Variants in ENOX1 observed in about 807,000 individuals in gnomAD.
The protein encoded by ENOX1 is ecto-NOX disulfide-thiol exchanger 1, also known as candidate growth-related and time keeping constitutive hydroquinone (NADH) oxidase.
A neutral mutation model predicts 82.5 loss-of-function variants in ENOX1; 42 were observed. The ratio of observed to expected loss-of-function variants is 0.51; its 90% CI spans 0.40 to 0.66. The LOEUF is 0.66. ENOX1 is among the 30% of genes least tolerant of loss of function. The pLI, the probability that ENOX1 is intolerant of heterozygous loss-of-function variation, is 0.00. For synonymous variants in ENOX1, 271 were observed against 282.2 expected (o/e 0.96, Z 0.40); for missense variants, 608 against 811.6 (o/e 0.75, Z 3.05).
At chr13:43,276,738 A>G (rs751762797) in intron 12 of ENOX1, among the ~76,000 whole-genome samples, 1 of 152,272 alleles carries the variant, frequency 6.6e-6, no homozygotes, top group Non-Finnish European at 1.5e-5. Flanking sequence ...AAAGGCAAAC[A>G]CATCTAACAG....
intron 12 of ENOX1, among the ~76,000 whole-genome samples, chr13:43,272,278 A>G (rs927574316): frequency 1.3e-5 from 2 of 152,132 alleles, no homozygotes; most frequent in South Asian, 2.1e-4. Context: ...AATTCTTCCC[A>G]CTGTATACAA....
intron 1 of ENOX1, among the ~76,000 whole-genome samples, chr13:43,769,281 G>A (rs1185092654): frequency 2.0e-5 from 3 of 152,048 alleles, no homozygotes; most frequent in Admixed American, 1.3e-4. Context: ...ATTAATAAAG[G>A]CTACTATAGC....
chr13:43,225,841 A>C (rs376160429), intron 15 of ENOX1, among the ~76,000 whole-genome samples: 2 of 152,216 alleles, frequency 1.3e-5, no homozygotes, highest in East Asian at 3.9e-4. Flanking sequence ...CAATTCCCAC[A>C]TTTCCCTGTA....
At chr13:43,316,521 C>G (rs978625293) in intron 11 of ENOX1, among the ~76,000 whole-genome samples, 2 of 152,072 alleles carry the variant, frequency 1.3e-5, no homozygotes, top group African/African-American at 4.8e-5. Flanking sequence ...ACAAAACAAA[C>G]ACAGTCTGGT....
At chr13:43,269,909 C>T (rs993609228) in intron 12 of ENOX1, among the ~76,000 whole-genome samples, 2 of 152,166 alleles carry the variant, frequency 1.3e-5, no homozygotes, top group African/African-American at 4.8e-5. Flanking sequence ...ATAATATAGT[C>T]AACTTGTCCA....
chr13:43,399,504 G>C (rs1179230714), intron 5 of ENOX1, among the ~76,000 whole-genome samples: 1 of 152,126 alleles, frequency 6.6e-6, no homozygotes, highest in Non-Finnish European at 1.5e-5. Flanking sequence ...AGTCATCCAA[G>C]GTCACTCTTC....
At chr13:43,367,498 G>A (rs1339700693) in intron 5 of ENOX1, among the ~76,000 whole-genome samples, 2 of 152,078 alleles carry the variant, frequency 1.3e-5, no homozygotes, top group Non-Finnish European at 2.9e-5. Context: ...ATGATGACTG[G>A]AGAGATGCAC....
intron 14 of ENOX1, among the ~76,000 whole-genome samples, chr13:43,261,270 G>C (rs1318079348): frequency 6.6e-6 from 1 of 152,132 alleles, no homozygotes; most frequent in African/African-American, 2.4e-5. Flanking sequence ...GGAAATACAA[G>C]ACTCTACGTA....
At chr13:43,640,449 A>G (rs1228060793) in intron 2 of ENOX1, among the ~76,000 whole-genome samples, 1 of 152,194 alleles carries the variant, frequency 6.6e-6, no homozygotes, top group Non-Finnish European at 1.5e-5. Flanking sequence ...TGTATCAGAC[A>G]TGAGAAAATA....
intron 3 of ENOX1, among the ~76,000 whole-genome samples, chr13:43,478,297 C>A (rs2058373633): frequency 6.6e-6 from 1 of 152,022 alleles, no homozygotes; most frequent in East Asian, 1.9e-4. Flanking sequence ...TTCAGTATTA[C>A]ATCCTTGTAT....
intron 1 of ENOX1, among the ~76,000 whole-genome samples, chr13:43,768,126 T>C (rs988917768): frequency 6.6e-6 from 1 of 152,210 alleles, no homozygotes; most frequent in African/African-American, 2.4e-5. Context: ...CTTACATACA[T>C]ACATTTTTAC....
At chr13:43,233,634 T>G (rs907431022) in intron 15 of ENOX1, among the ~76,000 whole-genome samples, 1 of 152,154 alleles carries the variant, frequency 6.6e-6, no homozygotes, top group Non-Finnish European at 1.5e-5. Context: ...TTGAAGAGCT[T>G]TTTTCTCACT....
chr13:43,246,238 C>T (rs920752327), intron 14 of ENOX1, among the ~76,000 whole-genome samples: 9 of 152,188 alleles, frequency 5.9e-5, no homozygotes, highest in African/African-American at 1.9e-4. Context: ...TAATGACTTG[C>T]CCAAGGTCAC....
chr13:43,756,924 C>G (rs1270356896), intron 1 of ENOX1, among the ~76,000 whole-genome samples: 1 of 143,554 alleles, frequency 7.0e-6, no homozygotes, highest in Admixed American at 7.2e-5. Context: ...GGGTTCCAAC[C>G]CTGGACAACA....
intron 4 of ENOX1, 121 bp from the exon 5 acceptor site, chr13:43,412,174 T>A (rs1270081631): frequency 1.9e-6 from 2 of 1,067,788 alleles, no homozygotes; most frequent in Non-Finnish European, 2.7e-6. Context: ...AAAAAAAAAA[T>A]AAAGAACTAT....
chr13:43,333,048 A>G (rs1381401002), intron 9 of ENOX1, among the ~76,000 whole-genome samples: 1 of 152,218 alleles, frequency 6.6e-6, no homozygotes. Context: ...AGGTGCTAAT[A>G]TTATATACGC....
At chr13:43,340,401 G>A (rs994887896) in intron 9 of ENOX1, among the ~76,000 whole-genome samples, 2 of 152,196 alleles carry the variant, frequency 1.3e-5, no homozygotes, top group East Asian at 1.9e-4. Context: ...TGTGTACACC[G>A]TGGCCAGCAC....
chr13:43,642,284 T>C (rs2083688933), intron 2 of ENOX1, among the ~76,000 whole-genome samples: 1 of 152,088 alleles, frequency 6.6e-6, no homozygotes, highest in African/African-American at 2.4e-5. Flanking sequence ...TCTGCTTGCT[T>C]TGAGTATCTC....
intron 2 of ENOX1, among the ~76,000 whole-genome samples, chr13:43,498,003 G>C (rs139405763): frequency 5.3e-5 from 8 of 151,984 alleles, no homozygotes; most frequent in Non-Finnish European, 8.8e-5. Context: ...AGATAAGTTT[G>C]TTTCTTATGG....
Sources: allele counts gnomAD v4.1 joint callset (sites outside exome capture counted in the v4.1 genomes callset), GRCh38; gene constraint gnomAD v4.1.1; transcripts MANE v1.5; gene names NCBI Gene and HGNC (gene_info 2026-07-23, HGNC 2026-07-21).